The following SLC39A11 variants were observed in gnomAD, a reference collection of about 807,000 sequenced individuals.
The protein encoded by SLC39A11 is solute carrier family 39 member 11, also known as zinc transporter ZIP11.
Under a neutral mutation model 36.1 loss-of-function variants are expected in SLC39A11, and 33 were observed. The observed-to-expected ratio is 0.91, with a 90% CI of 0.69 to 1.22. The LOEUF (loss-of-function observed/expected upper bound fraction) is 1.22. Among genes scored for constraint, SLC39A11 ranks in the 50% most tolerant of loss-of-function variants. The pLI, the probability that SLC39A11 is intolerant of heterozygous loss-of-function variation, is 0.00. For missense variants in SLC39A11, 432 were observed against 430.3 expected, an observed-to-expected ratio of 1.00 and a Z score of -0.03; for synonymous variants, 166 against 170.3, an observed-to-expected ratio of 0.97 and a Z score of 0.20.
At chr17:72,774,457 C>T (rs139385410) in intron 6 of SLC39A11, among the ~76,000 whole-genome samples, 161 of 152,314 alleles carry the variant, frequency 1.1e-3, no homozygotes, top group African/African-American at 3.2e-3. Context: ...TACAAACCCG[C>T]GCTTCATTTT....
chr17:72,689,033 C>A (rs866652187), intron 7 of SLC39A11, among the ~76,000 whole-genome samples: 2 of 152,252 alleles, frequency 1.3e-5, no homozygotes, highest in Non-Finnish European at 2.9e-5. Context: ...GGAGCAGGTA[C>A]CTGAGGTGGG....
At chr17:72,808,088 C>G (rs984823892) in intron 6 of SLC39A11, among the ~76,000 whole-genome samples, 4 of 151,900 alleles carry the variant, frequency 2.6e-5, no homozygotes, top group East Asian at 1.9e-4. Context: ...GCCATAAGTT[C>G]TGTGTGTGAG....
chr17:72,878,223 C>G (rs927719099), intron 5 of SLC39A11, among the ~76,000 whole-genome samples: 10 of 152,134 alleles, frequency 6.6e-5, no homozygotes, highest in Admixed American at 3.9e-4. Flanking sequence ...AAGGGGATCT[C>G]TCCTTTCCAG....
chr17:72,681,926 T>C (rs944327486), intron 7 of SLC39A11, among the ~76,000 whole-genome samples: 2 of 152,124 alleles, frequency 1.3e-5, no homozygotes, highest in Admixed American at 6.5e-5. Flanking sequence ...TGGTCCATGG[T>C]TTGTTAGGAA....
chr17:72,755,005 C>T (rs965507444), intron 6 of SLC39A11, among the ~76,000 whole-genome samples: 1 of 152,204 alleles, frequency 6.6e-6, no homozygotes, highest in African/African-American at 2.4e-5. Flanking sequence ...TACATGAAAC[C>T]TGCCTTTTTG....
chr17:73,083,278 T>C (rs987492130), intron 3 of SLC39A11, among the ~76,000 whole-genome samples: 3 of 152,154 alleles, frequency 2.0e-5, no homozygotes, highest in Non-Finnish European at 4.4e-5. Context: ...GTATGGAAGC[T>C]GAGGACCTAG....
chr17:72,947,039 G>A (rs2085472456), intron 5 of SLC39A11, among the ~76,000 whole-genome samples: 1 of 152,192 alleles, frequency 6.6e-6, no homozygotes, highest in African/African-American at 2.4e-5. Flanking sequence ...GTCCACAGTT[G>A]GCCAGGTGCA....
At position 73,050,462 on chromosome 17, in the gene SLC39A11, C is replaced by CTTTTTTTTTTTTTT. The variant is rs558193911; in HGVS notation, c.148-18762_148-18749dup. ...AGGAGCAGGGAGCCATGTGAACTGA[C>CTTTTTTTTTTTTTT]TTTTTTTTTTTTTTTTTTTGAGACA... On this transcript the variant is annotated intron_variant, in intron 3 of 9. Coordinates refer to ENST00000255559, the MANE Select transcript of SLC39A11 (RefSeq NM_139177.4). Among the ~76,000 whole-genome samples the CTTTTTTTTTTTTTT allele has an allele frequency of 2.1e-3, 267 of 124,278 alleles. 8 individuals carry two copies. The highest frequency in any genetic ancestry group is 7.1e-3 in the African/African-American group (225 of 31,846). The allele number at this position is 124,278 out of a possible 152,430, so 81.5% of individuals were successfully genotyped here.
intron 6 of SLC39A11, among the ~76,000 whole-genome samples, chr17:72,848,924 G>A (rs1003610374): frequency 6.6e-6 from 1 of 152,114 alleles, no homozygotes; most frequent in Non-Finnish European, 1.5e-5. Context: ...AATCTGCAGA[G>A]AGTTTTTGGC....
intron 3 of SLC39A11, among the ~76,000 whole-genome samples, chr17:73,076,312 G>A (rs1472732764): frequency 2.0e-5 from 3 of 152,112 alleles, no homozygotes; most frequent in Non-Finnish European, 4.4e-5. Context: ...CACTTCCAGG[G>A]CCCTGCTAAT....
At chr17:72,765,599 T>C (rs913883205) in intron 6 of SLC39A11, among the ~76,000 whole-genome samples, 1 of 152,192 alleles carries the variant, frequency 6.6e-6, no homozygotes, top group Non-Finnish European at 1.5e-5. Context: ...TCCTTCAGCA[T>C]GCAGAGAACT....
chr17:72,897,102 T>A (rs1373801647), intron 5 of SLC39A11, among the ~76,000 whole-genome samples: 1 of 138,600 alleles, frequency 7.2e-6, no homozygotes, highest in Non-Finnish European at 1.5e-5. Flanking sequence ...TCCTCAAGGG[T>A]GAGTGAGAGC....
chr17:73,015,876 C>T (rs1176495062), intron 4 of SLC39A11, among the ~76,000 whole-genome samples: 1 of 152,114 alleles, frequency 6.6e-6, no homozygotes, highest in African/African-American at 2.4e-5. Context: ...GCCACCGTGC[C>T]CAGCCAAGAA....
At chr17:72,760,418 G>A (rs945018454) in intron 6 of SLC39A11, among the ~76,000 whole-genome samples, 3 of 152,314 alleles carry the variant, frequency 2.0e-5, no homozygotes, top group Non-Finnish European at 4.4e-5. Flanking sequence ...ATCCATCTGA[G>A]CCTTTTGCTC....
intron 4 of SLC39A11, among the ~76,000 whole-genome samples, chr17:72,962,924 T>C (rs2086708386): frequency 6.6e-6 from 1 of 152,160 alleles, no homozygotes; most frequent in Admixed American, 6.5e-5. Context: ...ACACAGCTGT[T>C]AGCTTCTGCA....
intron 9 of SLC39A11, among the ~76,000 whole-genome samples, 197 bp from the exon 10 acceptor site, chr17:72,647,859 G>T (rs1280646631): frequency 2.0e-5 from 3 of 152,152 alleles, no homozygotes; most frequent in Non-Finnish European, 4.4e-5. Context: ...CATGAGGTCA[G>T]TATCATAATT....
intron 5 of SLC39A11, among the ~76,000 whole-genome samples, chr17:72,936,862 T>C (rs1359989555): frequency 6.6e-6 from 1 of 152,104 alleles, no homozygotes; most frequent in Non-Finnish European, 1.5e-5. Flanking sequence ...CACAACAGGG[T>C]TCTCGCTCCT....
At chr17:72,768,820 G>C (rs774154043) in intron 6 of SLC39A11, among the ~76,000 whole-genome samples, 5 of 152,016 alleles carry the variant, frequency 3.3e-5, no homozygotes, top group African/African-American at 7.3e-5. Flanking sequence ...GAGTGCAGTG[G>C]TGTGATCTCG....
chr17:72,900,068 GAGAGAGAA>G (rs545652642), intron 5 of SLC39A11, among the ~76,000 whole-genome samples: 4 of 147,412 alleles, frequency 2.7e-5, no homozygotes, highest in Non-Finnish European at 6.0e-5. Context: ...AAGAAAGAGA[GAGAGAGAA>G]AGAGAGAAAG....
Sources: gnomAD v4.1 joint callset for allele counts (sites outside exome capture counted in the v4.1 genomes callset) on GRCh38, gnomAD v4.1.1 for gene constraint, MANE v1.5 for transcripts, NCBI Gene and HGNC (gene_info 2026-07-23, HGNC 2026-07-21) for gene names.